The following HMCN1 variants were observed in gnomAD, a reference collection of about 807,000 sequenced individuals.
HMCN1 encodes the protein hemicentin 1.
Under a neutral mutation model 625.9 loss-of-function variants are expected in HMCN1, and 321 were observed. The ratio of observed to expected loss-of-function variants is 0.51; its 90% CI spans 0.47 to 0.56. The LOEUF (loss-of-function observed/expected upper bound fraction) is 0.56. Among genes scored for constraint, HMCN1 ranks in the 20% least tolerant of loss-of-function variants. HMCN1 has a pLI of 0.00. For missense variants in HMCN1, 6,588 were observed against 6,887.3 expected (o/e 0.96, Z 1.54); for synonymous variants, 2,425 against 2,417.6 (o/e 1.00, Z -0.09).
chr1:185,928,427 T>G (rs1338957103), intron 9 of HMCN1, 119 bp from the exon 10 acceptor site: 1 of 839,134 alleles, frequency 1.2e-6, no homozygotes, highest in Non-Finnish European at 2.0e-6. Context: ...TGCAGTTTTA[T>G]CAATTTATTT....
At chr1:186,053,786 A>C (rs745637737) in intron 43 of HMCN1, 39 bp from the exon 44 acceptor site, 1 of 1,607,590 alleles carries the variant, frequency 6.2e-7, no homozygotes, top group Non-Finnish European at 8.5e-7. Context: ...AATGCTTTAC[A>C]TTTCTGCCTC....
At chr1:185,963,093 T>C (rs1307376331) in intron 12 of HMCN1, among the ~76,000 whole-genome samples, 3 of 152,174 alleles carry the variant, frequency 2.0e-5, no homozygotes, top group Non-Finnish European at 4.4e-5. Context: ...TGTCATTACT[T>C]CCATTTTTGC....
rs527265214 is a variant in HMCN1 at position 186,130,408 on chromosome 1, T to C, written c.13040-99T>C. 53 of 1,219,906 alleles carry C rather than the reference T, an allele frequency of 4.3e-5. No homozygotes were observed. In the African/African-American group the frequency reaches 7.9e-4, roughly 18 times the overall value. 75.6% of individuals were successfully genotyped at this position (1,219,906 alleles called of 1,614,324 possible). On this transcript the variant is annotated intron_variant, in intron 84 of 106. Coordinates refer to ENST00000271588, the MANE Select transcript of HMCN1 (RefSeq NM_031935.3). ...TCATGAGTCTTTAAGGTGGCTTTACTCCCCTCTTTACTAAATTATTTTTCC... is the reference window on the plus strand; with the variant it reads ...TCATGAGTCTTTAAGGTGGCTTTACCCCCCTCTTTACTAAATTATTTTTCC...
At chr1:186,032,450 T>C (rs1404997807) in intron 36 of HMCN1, among the ~76,000 whole-genome samples, 4 of 152,108 alleles carry the variant, frequency 2.6e-5, no homozygotes, top group African/African-American at 9.7e-5. Context: ...ATAATATCTA[T>C]GTGTTGTGGG....
chr1:185,939,366 G>T (rs1480267074), intron 11 of HMCN1, among the ~76,000 whole-genome samples: 2 of 152,176 alleles, frequency 1.3e-5, no homozygotes, highest in Non-Finnish European at 2.9e-5. Flanking sequence ...CTCAAGCAGG[G>T]TTTACCACAA....
chr1:185,803,205 C>CAAAAAAAAAAAAAAAAAAAAAAGA, intron 1 of HMCN1, among the ~76,000 whole-genome samples: 2 of 58,756 alleles, frequency 3.4e-5, no homozygotes, highest in Non-Finnish European at 4.2e-5. Context: ...AAAAAAAAAG[C>CAAAAAAAAAAAAAAAAAAAAAAGA]AAAAAAAAAA....
chr1:185,816,100 A>G (rs1379880116), intron 1 of HMCN1, among the ~76,000 whole-genome samples: 4 of 151,604 alleles, frequency 2.6e-5, no homozygotes, highest in Non-Finnish European at 4.4e-5. Context: ...GAAAAATTCC[A>G]TTTTGTTTCC....
At position 186,128,280 on chromosome 1, in the gene HMCN1, A is replaced by G. The variant is rs776686115; in HGVS notation, c.12893A>G (p.Asn4298Ser). Residue 4298 changes from asparagine to serine, a missense_variant, in exon 83 of 107, where the codon AAT (asparagine) becomes AGT (serine). Physicochemically the swap from Asn to Ser is conservative, Grantham distance 46. Coordinates refer to ENST00000271588, the MANE Select transcript of HMCN1 (RefSeq NM_031935.3). ...AAATTAACATGGACCTTCAATAACA[A>G]TATTATTCCAGGTTGGTCATTTAAT... ...LPKLTWTFNN[N>S]IIPAHFDSVN... 8 of 1,612,386 alleles carry G rather than the reference A, an allele frequency of 5.0e-6. No individual in the cohort carries two copies. The highest frequency in any genetic ancestry group is 2.7e-5 in the African/African-American group (2 of 74,862).
At chr1:186,052,914 GAA>G (rs1236375439) in intron 42 of HMCN1, 36 bp from the exon 43 acceptor site, 1 of 1,532,746 alleles carries the variant, frequency 6.5e-7, no homozygotes, top group Non-Finnish European at 9.0e-7. Flanking sequence ...AATTCTATAT[GAA>G]ATGAGTGGAA....
At chr1:185,990,556 G>A in intron 22 of HMCN1, 113 bp downstream of exon 22, 1 of 848,974 alleles carries the variant, frequency 1.2e-6, no homozygotes, top group Non-Finnish European at 2.0e-6. Context: ...TTAAAATTGA[G>A]ATAATTCACA....
At chr1:185,796,496 A>G (rs1658385394) in intron 1 of HMCN1, among the ~76,000 whole-genome samples, 1 of 152,164 alleles carries the variant, frequency 6.6e-6, no homozygotes, top group Non-Finnish European at 1.5e-5. Flanking sequence ...CACATTATTT[A>G]GCTTCCGCTT....
chr1:185,957,809 T>C (rs1649730303), intron 11 of HMCN1, among the ~76,000 whole-genome samples: 2 of 152,304 alleles, frequency 1.3e-5, no homozygotes, highest in Non-Finnish European at 2.9e-5. Flanking sequence ...AGGAAATATT[T>C]CTCAAGATGG....
rs1661160852 is a variant in HMCN1, at chr1:186,116,920, A to G, written c.11562-74A>G. 7.3e-6 allele frequency: 11 copies of G among 1,513,156 alleles called. No individual in the cohort carries two copies. The South Asian group carries it at 7.9e-5, about 11-fold the overall frequency. 93.7% of individuals were successfully genotyped at this position (1,513,156 alleles called of 1,614,324 possible). A position where few individuals can be genotyped will look rare whatever the true frequency, so the allele number is the denominator to read the frequency against. Reference sequence around the variant, plus strand: ...TGTTTTCATCAATTTACAACATGGTACCATGTTAAACTAGCTGGGAAAATT... The same window carrying G: ...TGTTTTCATCAATTTACAACATGGTGCCATGTTAAACTAGCTGGGAAAATT... On this transcript the variant is annotated intron_variant, in intron 75 of 106. Transcript: ENST00000271588.
At chr1:186,059,255 G>A (rs1247608705) in intron 46 of HMCN1, among the ~76,000 whole-genome samples, 1 of 151,998 alleles carries the variant, frequency 6.6e-6, no homozygotes, top group Admixed American at 6.6e-5. Flanking sequence ...GACAAAGATT[G>A]TATTAAAATG....
At chr1:186,170,781 T>C (rs1652178200) in intron 100 of HMCN1, among the ~76,000 whole-genome samples, 1 of 152,060 alleles carries the variant, frequency 6.6e-6, no homozygotes, top group African/African-American at 2.4e-5. Flanking sequence ...CCCCAAGAGT[T>C]TGAGGAGTTC....
chr1:185,896,744 A>T (rs1665512075), intron 4 of HMCN1, among the ~76,000 whole-genome samples: 4 of 152,240 alleles, frequency 2.6e-5, no homozygotes, highest in Admixed American at 2.6e-4. Context: ...TGGGTCTAAT[A>T]GTCATGAATA....
At chr1:185,908,623 T>A (rs1337071020) in intron 4 of HMCN1, among the ~76,000 whole-genome samples, 2 of 151,960 alleles carry the variant, frequency 1.3e-5, no homozygotes, top group African/African-American at 2.4e-5. Flanking sequence ...AACACCTTTT[T>A]AAAACCCAAT....
intron 86 of HMCN1, among the ~76,000 whole-genome samples, chr1:186,134,343 C>T (rs777844700): frequency 1.3e-4 from 20 of 152,152 alleles, no homozygotes; most frequent in South Asian, 6.2e-4. Context: ...CATTTTAATA[C>T]GAGCAGACAA....
Position 186,112,876 on chromosome 1 carries a change from G to A in HMCN1, c.11054G>A (p.Gly3685Asp), listed in dbSNP as rs145492995. The stretch of plus-strand genomic sequence containing the variant: ...TTGCAAATCAACAATGCTGACCTAG[G>A]TGATACAGCCAATTATACCTGTGTT... The part of the protein sequence containing the change: ...RYLQINNADL[G>D]DTANYTCVAS... Residue 3685 changes from glycine (G) to aspartate (D), a missense_variant, in exon 72 of 107, where the codon GGT (glycine) becomes GAT (aspartate). Physicochemically the swap from Gly to Asp is moderately conservative, Grantham distance 94 (BLOSUM62 -1). Transcript: ENST00000271588. 6.2e-6 allele frequency: 10 copies of A among 1,614,004 alleles called. No individual in the cohort carries two copies. The highest frequency in any genetic ancestry group is 2.2e-5 in the South Asian group (2 of 91,086).
Sources: allele counts gnomAD v4.1 joint callset (sites outside exome capture counted in the v4.1 genomes callset), GRCh38; gene constraint gnomAD v4.1.1; transcripts MANE v1.5; gene names NCBI Gene and HGNC (gene_info 2026-07-23, HGNC 2026-07-21).